Variants in NUDCD3 observed in about 807,000 individuals in gnomAD.
NUDCD3 encodes the protein nudC domain-containing protein 3.
Under a neutral mutation model 39.7 loss-of-function variants are expected in NUDCD3, and 13 were observed. That is an observed-to-expected ratio of 0.33 (90% CI 0.21 to 0.52). The LOEUF (loss-of-function observed/expected upper bound fraction) is 0.52. Ranked by LOEUF, NUDCD3 falls within the 20% of genes least tolerant of loss-of-function variation. NUDCD3 has a pLI of 0.96. For missense variants in NUDCD3, 453 were observed against 458.1 expected (o/e 0.99, Z 0.10); for synonymous variants, 175 against 172.4 (o/e 1.02, Z -0.12).
At chr7:44,465,302 C>G (rs1285650315) in intron 2 of NUDCD3, among the ~76,000 whole-genome samples, 1 of 152,190 alleles carries the variant, frequency 6.6e-6, no homozygotes, top group Non-Finnish European at 1.5e-5. Context: ...AGAATACAGA[C>G]AGCCACAGCA....
In NUDCD3 at chr7:44,479,323, C is replaced by T. The variant is rs147306608; in HGVS notation, c.509+5645G>A. Among the ~76,000 whole-genome samples the T allele has an allele frequency of 1.4e-3, 213 of 152,194 alleles. 1 individual carries two copies. The highest frequency in any genetic ancestry group is 3.4e-3 in the Middle Eastern group (1 of 294). On this transcript the variant is annotated intron_variant, in intron 2 of 5. Coordinates refer to ENST00000355451, the MANE Select transcript of NUDCD3 (RefSeq NM_015332.4). ...CTAAAAGGAATGAATTGTATTGTTA[C>T]ATAAATTATACTTTACTAAAACACA...
At chr7:44,454,090 A>G (rs1203452048) in intron 2 of NUDCD3, among the ~76,000 whole-genome samples, 1 of 152,238 alleles carries the variant, frequency 6.6e-6, no homozygotes, top group Non-Finnish European at 1.5e-5. Flanking sequence ...CTGTAATCCC[A>G]GAACTTTGGG....
rs73101790 is a variant in NUDCD3 at position 44,380,102 on chromosome 7, C to T, written c.*5909G>A. ...GAGCCCACAGTGGCTGGGGTCTTGTCATCAGGCACCCTGAATGCTTTCAGG... is the reference window on the plus strand; with the variant it reads ...GAGCCCACAGTGGCTGGGGTCTTGTTATCAGGCACCCTGAATGCTTTCAGG... On this transcript the variant is annotated 3_prime_UTR_variant, in exon 6 of 6. Coordinates refer to ENST00000355451, the MANE Select transcript of NUDCD3 (RefSeq NM_015332.4). 0.052 allele frequency: 7,933 copies of T among 152,318 alleles called. 321 individuals carry two copies. Among genetic ancestry groups the T allele is most frequent in the African/African-American group, 0.11 (4,676 of 41,502 alleles). 9.4% of individuals were successfully genotyped at this position (152,318 alleles called of 1,614,324 possible).
intron 3 of NUDCD3, among the ~76,000 whole-genome samples, chr7:44,408,607 C>T (rs1333453335): frequency 6.6e-6 from 1 of 152,180 alleles, no homozygotes; most frequent in Non-Finnish European, 1.5e-5. Flanking sequence ...AAAAGCTCTC[C>T]TCCATAAAAG....
At chr7:44,456,034 AAAAAAAAAAAAAAAAAC>A (rs1799889316) in intron 2 of NUDCD3, among the ~76,000 whole-genome samples, 2 of 131,142 alleles carry the variant, frequency 1.5e-5, no homozygotes, top group African/African-American at 5.8e-5. Flanking sequence ...TCAAAAAAAA[AAAAAAAAAAAAAAAAAC>A]AAAAAAACAA....
chr7:44,391,779 C>T (rs539817622), intron 5 of NUDCD3, among the ~76,000 whole-genome samples: 6 of 152,292 alleles, frequency 3.9e-5, no homozygotes, highest in African/African-American at 1.4e-4. Flanking sequence ...TGGCCATGAG[C>T]AAACTCTACA....
chr7:44,401,774 A>G (rs1585055085), intron 4 of NUDCD3, among the ~76,000 whole-genome samples: 1 of 152,136 alleles, frequency 6.6e-6, no homozygotes, highest in African/African-American at 2.4e-5. Flanking sequence ...AAAGCTAACT[A>G]AAAAAACTAA....
At chr7:44,467,847 T>A in intron 2 of NUDCD3, 1 of 1,285,228 alleles carries the variant, frequency 7.8e-7, no homozygotes, top group Non-Finnish European at 1.1e-6. Context: ...GAAAAGGCTC[T>A]CTTCCTCGGC....
In NUDCD3 at chr7:44,392,395, A is replaced by T. The variant is rs369527166; in HGVS notation, c.877T>A (p.Ser293Thr). 9.3e-6 allele frequency: 15 copies of T among 1,613,994 alleles called. No individual in the cohort carries two copies. Among genetic ancestry groups the T allele is most frequent in the Non-Finnish European group, 1.3e-5 (15 of 1,180,026 alleles). ...TCCTCCTCATCCACGGTGGCCATGG[A>T]GCGCTCCTTGTTGATCTTGTCAATG... Reference protein sequence around the residue: ...IDIDKINKERSMATVDEEEQA... With the variant: ...IDIDKINKERTMATVDEEEQA... Residue 293 changes from serine to threonine, a missense_variant, in exon 5 of 6, where the codon TCC becomes ACC. Coordinates refer to ENST00000355451, the MANE Select transcript of NUDCD3 (RefSeq NM_015332.4).
intron 2 of NUDCD3, among the ~76,000 whole-genome samples, chr7:44,435,100 C>A (rs1345126944): frequency 6.6e-6 from 1 of 151,938 alleles, no homozygotes; most frequent in Non-Finnish European, 1.5e-5. Context: ...TTCTTTATTG[C>A]CTAATAATTC....
At chr7:44,456,075 T>C (rs1799894090) in intron 2 of NUDCD3, among the ~76,000 whole-genome samples, 1 of 108,590 alleles carries the variant, frequency 9.2e-6, no homozygotes, top group Admixed American at 8.8e-5. Flanking sequence ...ACAATAACAA[T>C]CACTTCCAGA....
At chr7:44,386,352 T>C (rs1798403311) in intron 5 of NUDCD3, among the ~76,000 whole-genome samples, 1 of 152,198 alleles carries the variant, frequency 6.6e-6, no homozygotes, top group Non-Finnish European at 1.5e-5. Flanking sequence ...ACTGAATTTC[T>C]AACCCTCCAT....
In NUDCD3 at chr7:44,392,405, G is replaced by A; in HGVS notation, c.867C>T (p.Asn289=). Residue 289 remains asparagine (N), a synonymous_variant, in exon 5 of 6, where the codon AAC becomes AAT. Coordinates refer to ENST00000355451, the MANE Select transcript of NUDCD3 (RefSeq NM_015332.4). ...CCACGGTGGCCATGGAGCGCTCCTT[G>A]TTGATCTTGTCAATGTCGATGGGCT... ...GEEPIDIDKI[N]KERSMATVDE... is the part of the protein sequence containing the mutation. 2 of 1,614,178 alleles carry A rather than the reference G, an allele frequency of 1.2e-6. No homozygotes were observed. Among genetic ancestry groups the A allele is most frequent in the Non-Finnish European group, 1.7e-6 (2 of 1,180,008 alleles).
chr7:44,488,134 A>G (rs564621310), intron 1 of NUDCD3, among the ~76,000 whole-genome samples: 1 of 152,116 alleles, frequency 6.6e-6, no homozygotes, highest in African/African-American at 2.4e-5. Context: ...CAGGAGTTTG[A>G]GACCAGTCTC....
At chr7:44,412,521 T>G (rs1215615870) in intron 3 of NUDCD3, among the ~76,000 whole-genome samples, 1 of 152,242 alleles carries the variant, frequency 6.6e-6, no homozygotes. Flanking sequence ...GTGATACAAT[T>G]CATACTATGT....
intron 4 of NUDCD3, among the ~76,000 whole-genome samples, chr7:44,395,318 C>G (rs1798603345): frequency 6.6e-6 from 1 of 152,256 alleles, no homozygotes; most frequent in Non-Finnish European, 1.5e-5. Context: ...TCCTCACTCA[C>G]AGACGTCACG....
At chr7:44,435,903 G>C (rs938633388) in intron 2 of NUDCD3, among the ~76,000 whole-genome samples, 3 of 152,180 alleles carry the variant, frequency 2.0e-5, no homozygotes, top group Non-Finnish European at 4.4e-5. Flanking sequence ...ATAAAGACGA[G>C]GGGCAGAGAA....
chr7:44,380,159 G>A lies in NUDCD3; in HGVS notation c.*5852C>T, dbSNP rs1391438682. ...GTTTGGATCTCTCCTCACCTGGCTGGTCAGGCCAGGGAGGACAAGCTGTGG... is the reference window on the plus strand; with the variant it reads ...GTTTGGATCTCTCCTCACCTGGCTGATCAGGCCAGGGAGGACAAGCTGTGG... On this transcript the variant is annotated 3_prime_UTR_variant, in exon 6 of 6. Transcript: ENST00000355451. The A allele has an allele frequency of 1.3e-5, 2 of 152,162 alleles. No homozygotes were observed. Among genetic ancestry groups the A allele is most frequent in the Non-Finnish European group, 1.5e-5 (1 of 68,066 alleles). 9.4% of individuals were successfully genotyped at this position (152,162 alleles called of 1,614,324 possible). A position where few individuals can be genotyped will look rare whatever the true frequency, so the allele number is the denominator to read the frequency against.
Position 44,385,966 on chromosome 7 carries a change from A to T in NUDCD3, c.*45T>A, listed in dbSNP as rs374492596. 1.6e-4 allele frequency: 160 copies of T among 971,672 alleles called. No individual in the cohort carries two copies. Among genetic ancestry groups the T allele is most frequent in the Non-Finnish European group, 2.4e-4 (142 of 595,868 alleles). 60.2% of individuals were successfully genotyped at this position (971,672 alleles called of 1,614,324 possible). A position where few individuals can be genotyped will look rare whatever the true frequency, so the allele number is the denominator to read the frequency against. On this transcript the variant is annotated 3_prime_UTR_variant, in exon 6 of 6. Transcript: ENST00000355451. ...GAGCCAAGAAGGGCAGCCGAGGATA[A>T]GGCTCTGCCTCCCCACCGGCGAGGG...
Sources: gnomAD v4.1 joint callset for allele counts (sites outside exome capture counted in the v4.1 genomes callset) on GRCh38, gnomAD v4.1.1 for gene constraint, MANE v1.5 for transcripts, NCBI Gene and HGNC (gene_info 2026-07-23, HGNC 2026-07-21) for gene names.